ACTR3C: variants seen among roughly 807,000 people sequenced by gnomAD.
ACTR3C encodes actin-related protein 3C.
A neutral mutation model predicts 26.3 loss-of-function variants in ACTR3C; 18 were observed. The observed-to-expected ratio is 0.68, with a 90% CI of 0.47 to 1.01. The LOEUF (loss-of-function observed/expected upper bound fraction) is 1.01. Among genes scored for constraint, ACTR3C ranks in the 50% least tolerant of loss-of-function variants. The pLI is 0.00. For missense variants in ACTR3C, 184 were observed against 250.7 expected (o/e 0.73, Z 1.80); for synonymous variants, 55 against 94.5 (o/e 0.58, Z 2.42).
the ACTR3C span, among the ~76,000 whole-genome samples, chr7:150,109,089 C>T: frequency 1.3e-4 from 19 of 151,994 alleles, 1 homozygote; most frequent in Non-Finnish European, 2.9e-5. Flanking sequence ...TCGGGTGCGA[C>T]CAGAGGCCAC....
chr7:150,221,151 G>A, the ACTR3C span, among the ~76,000 whole-genome samples: 1 of 152,268 alleles, frequency 6.6e-6, no homozygotes, highest in African/African-American at 2.4e-5. Flanking sequence ...GCGCGCGGAG[G>A]CCCGGTCGGT....
the ACTR3C span, among the ~76,000 whole-genome samples, chr7:150,014,314 G>A: frequency 2.0e-5 from 3 of 152,140 alleles, no homozygotes; most frequent in African/African-American, 7.2e-5. Context: ...AAATTAGCTG[G>A]GCATGGTGGC....
intron 6 of ACTR3C, among the ~76,000 whole-genome samples, chr7:150,279,979 T>C (rs1835186745): frequency 6.6e-6 from 1 of 152,200 alleles, no homozygotes; most frequent in Non-Finnish European, 1.5e-5. Context: ...AAGTACCTCC[T>C]GAATAGAACT....
chr7:149,883,385 TG>T, the ACTR3C span, among the ~76,000 whole-genome samples: 1 of 151,758 alleles, frequency 6.6e-6, no homozygotes, highest in Non-Finnish European at 1.5e-5. Context: ...TATCAGCCTC[TG>T]ACACAGATGC....
the ACTR3C span, among the ~76,000 whole-genome samples, chr7:150,232,667 A>G: frequency 6.8e-6 from 1 of 146,982 alleles, no homozygotes; most frequent in Non-Finnish European, 1.5e-5. Context: ...CTATAAAAAT[A>G]CAAAAATTAG....
At chr7:149,935,762 G>C in the ACTR3C span, among the ~76,000 whole-genome samples, 2 of 151,300 alleles carry the variant, frequency 1.3e-5, no homozygotes, top group Non-Finnish European at 2.9e-5. Flanking sequence ...CAAGGATACA[G>C]CTTTATCTGC....
chr7:150,073,406 A>T, the ACTR3C span, among the ~76,000 whole-genome samples: 2 of 151,770 alleles, frequency 1.3e-5, no homozygotes, highest in Non-Finnish European at 2.9e-5. Flanking sequence ...AATTATTATT[A>T]GTTAAGAGTC....
chr7:150,233,532 T>A, the ACTR3C span, among the ~76,000 whole-genome samples: 2 of 151,488 alleles, frequency 1.3e-5, no homozygotes, highest in Non-Finnish European at 1.5e-5. Context: ...TCCAAATAGA[T>A]GTATATTATA....
chr7:150,167,591 T>C, the ACTR3C span, among the ~76,000 whole-genome samples: 3 of 150,882 alleles, frequency 2.0e-5, no homozygotes, highest in Non-Finnish European at 4.4e-5. Flanking sequence ...GAACTAAGCT[T>C]GCTACACACA....
At chr7:149,918,782 A>G in the ACTR3C span, among the ~76,000 whole-genome samples, 952 of 152,348 alleles carry the variant, frequency 6.2e-3, 9 homozygotes, top group African/African-American at 0.022. Flanking sequence ...TTTGGCCCTG[A>G]AAAGCTGAGG....
chr7:150,209,722 TACACACACACACACAC>T, the ACTR3C span, among the ~76,000 whole-genome samples: 1 of 129,216 alleles, frequency 7.7e-6, no homozygotes, highest in Non-Finnish European at 1.6e-5. Context: ...CTACTAAAAA[TACACACACACACACAC>T]ACACACACAC....
the ACTR3C span, among the ~76,000 whole-genome samples, chr7:149,951,269 C>T: frequency 7.7e-6 from 1 of 129,438 alleles, no homozygotes; most frequent in Non-Finnish European, 1.5e-5. Context: ...CCTTGCTCCG[C>T]AGGGATGTAA....
chr7:150,130,614 A>C, the ACTR3C span, among the ~76,000 whole-genome samples: 1 of 152,242 alleles, frequency 6.6e-6, no homozygotes, highest in East Asian at 1.9e-4. Context: ...TAAACTTATC[A>C]TATGACCAGT....
the ACTR3C span, among the ~76,000 whole-genome samples, chr7:149,897,535 A>T: frequency 0.5 from 75,199 of 151,696 alleles, 19,250 homozygotes; most frequent in South Asian, 0.73. Context: ...TGGAACCTCC[A>T]ATTTACTACA....
At chr7:149,996,578 T>TAAAA in the ACTR3C span, among the ~76,000 whole-genome samples, 1 of 150,736 alleles carries the variant, frequency 6.6e-6, no homozygotes, top group African/African-American at 2.4e-5. Flanking sequence ...GCAGTTCTGG[T>TAAAA]AAAAAAATAA....
chr7:149,991,928 T>C, the ACTR3C span, among the ~76,000 whole-genome samples: 118 of 149,920 alleles, frequency 7.9e-4, 1 homozygote, highest in East Asian at 0.023. Context: ...GTTTGTTATG[T>C]AAGCACACAC....
chr7:149,990,122 C>G, the ACTR3C span, among the ~76,000 whole-genome samples: 80 of 152,232 alleles, frequency 5.3e-4, no homozygotes, highest in African/African-American at 1.9e-3. Flanking sequence ...TCTTTTCTCT[C>G]CAGGGACTTT....
the ACTR3C span, among the ~76,000 whole-genome samples, chr7:149,905,794 T>G: frequency 2.6e-5 from 4 of 152,160 alleles, no homozygotes; most frequent in South Asian, 8.3e-4. Context: ...ATACCAATTA[T>G]CAAGGATCTA....
At chr7:149,899,890 A>G in the ACTR3C span, among the ~76,000 whole-genome samples, 5 of 75,840 alleles carry the variant, frequency 6.6e-5, no homozygotes, top group South Asian at 3.3e-3. Flanking sequence ...AAACTTCTAA[A>G]AACTAAAGAC....
Sources: gnomAD v4.1 joint callset for allele counts (sites outside exome capture counted in the v4.1 genomes callset) on GRCh38, gnomAD v4.1.1 for gene constraint, MANE v1.5 for transcripts, NCBI Gene and HGNC (gene_info 2026-07-23, HGNC 2026-07-21) for gene names.